VRK3: variants seen among roughly 807,000 people sequenced by gnomAD.
VRK3 encodes serine/threonine-protein kinase VRK3.
In VRK3, 50 loss-of-function variants were observed where a neutral mutation model predicts 60.4. That is an observed-to-expected ratio of 0.83 (90% CI 0.66 to 1.05). The LOEUF is 1.05. VRK3 is among the 50% of genes least tolerant of loss of function. The pLI is 0.00. For missense variants in VRK3, 549 were observed against 585.3 expected (o/e 0.94, Z 0.64); for synonymous variants, 246 against 227.8 (o/e 1.08, Z -0.72).
At chr19:50,023,194 C>CT (rs993350331) in intron 1 of VRK3, among the ~76,000 whole-genome samples, 23 of 152,078 alleles carry the variant, frequency 1.5e-4, no homozygotes, top group African/African-American at 5.3e-4. Context: ...TTTTTCTTTT[C>CT]TTTTTTTTGA....
chr19:50,008,404 C>T (rs570736561), intron 4 of VRK3, among the ~76,000 whole-genome samples: 7 of 152,280 alleles, frequency 4.6e-5, no homozygotes, highest in South Asian at 4.1e-4. Flanking sequence ...TACTCTGTTC[C>T]TCCCACCCAC....
At chr19:50,014,026 G>C (rs531568444) in intron 3 of VRK3, among the ~76,000 whole-genome samples, 23 of 152,278 alleles carry the variant, frequency 1.5e-4, no homozygotes, top group African/African-American at 5.3e-4. Flanking sequence ...CAACACTTTG[G>C]GGGGCTGAGG....
At chr19:49,977,594 A>ACCCTGCCCTGGAGGAGCTGGC (rs1322070290) in intron 14 of VRK3, among the ~76,000 whole-genome samples, 3 of 151,880 alleles carry the variant, frequency 2.0e-5, no homozygotes, top group Non-Finnish European at 2.9e-5. Context: ...GTCAGACGCG[A>ACCCTGCCCTGGAGGAGCTGGC]CCCTGCCCTG....
chr19:49,979,376 C>A, intron 13 of VRK3, 134 bp from the exon 14 acceptor site: 2 of 1,280,156 alleles, frequency 1.6e-6, no homozygotes, highest in East Asian at 2.4e-5. Flanking sequence ...TGCCCATTTT[C>A]TTGTTGCCTG....
chr19:50,015,180 T>C (rs764528253), intron 3 of VRK3, among the ~76,000 whole-genome samples: 1 of 152,030 alleles, frequency 6.6e-6, no homozygotes, highest in Non-Finnish European at 1.5e-5. Flanking sequence ...CAGACTAAGA[T>C]GTGACCAGGA....
intron 3 of VRK3, among the ~76,000 whole-genome samples, chr19:50,015,034 G>C (rs2077052764): frequency 6.6e-6 from 1 of 152,052 alleles, no homozygotes; most frequent in Non-Finnish European, 1.5e-5. Flanking sequence ...TGTGTCACGG[G>C]GTGCGAGACA....
At chr19:50,017,517 T>C (rs2077097650) in intron 2 of VRK3, among the ~76,000 whole-genome samples, 1 of 127,604 alleles carries the variant, frequency 7.8e-6, no homozygotes, top group African/African-American at 3.1e-5. Context: ...GAGGTTGTGG[T>C]GAGCCGAGAT....
intron 5 of VRK3, 121 bp downstream of exon 5, chr19:50,007,448 G>A: frequency 7.0e-7 from 1 of 1,438,034 alleles, no homozygotes; most frequent in Non-Finnish European, 9.5e-7. Flanking sequence ...AGAGAAAGTT[G>A]CCTAGCGACA....
At chr19:49,992,986 C>T in intron 9 of VRK3, 34 bp from the exon 10 acceptor site, 1 of 1,588,330 alleles carries the variant, frequency 6.3e-7, no homozygotes, top group South Asian at 1.1e-5. Context: ...TCTGCATGAG[C>T]AGTACGACTA....
At chr19:50,009,421 C>T in intron 3 of VRK3, 36 bp from the exon 4 acceptor site, 2 of 1,609,500 alleles carry the variant, frequency 1.2e-6, no homozygotes, top group Non-Finnish European at 1.7e-6. Flanking sequence ...ACTGGAGTTA[C>T]AAAGGCCCCT....
Position 50,001,727 on chromosome 19 carries a change from TGAGAA to T in VRK3, c.548-878_548-874del, listed in dbSNP as rs1402904903. Among the ~76,000 whole-genome samples the T allele has an allele frequency of 2.0e-5, 3 of 151,926 alleles. No homozygotes were observed. In the East Asian group the frequency reaches 5.8e-4, roughly 30 times the overall value. ...CACATGCATGGTCCCATCTGACAGA[TGAGAA>T]GAGGAGAGAGGCCAAGAAACGCCAG... is the stretch of plus-strand genomic sequence containing the variant. On this transcript the variant is annotated intron_variant, in intron 5 of 14. Coordinates refer to ENST00000316763, the MANE Select transcript of VRK3 (RefSeq NM_016440.4).
At chr19:50,016,495 T>A (rs1193315214) in intron 2 of VRK3, among the ~76,000 whole-genome samples, 1 of 152,156 alleles carries the variant, frequency 6.6e-6, no homozygotes, top group African/African-American at 2.4e-5. Context: ...CCCCTCCACC[T>A]GCAGGGATGG....
chr19:49,997,841 T>A (rs1014571211), intron 6 of VRK3: 1 of 353,576 alleles, frequency 2.8e-6, no homozygotes, highest in African/African-American at 2.1e-5. Context: ...TTTCCCAGCT[T>A]CCTTTGCAGT....
intron 13 of VRK3, among the ~76,000 whole-genome samples, chr19:49,979,765 C>T (rs371778393): frequency 1.2e-4 from 18 of 152,070 alleles, no homozygotes; most frequent in South Asian, 4.1e-4. Flanking sequence ...GTAATTCAGC[C>T]GGGCGCGGTG....
chr19:50,016,605 G>C (rs753509467), intron 2 of VRK3, among the ~76,000 whole-genome samples: 5 of 152,132 alleles, frequency 3.3e-5, no homozygotes, highest in Non-Finnish European at 5.9e-5. Flanking sequence ...CTGCTGTATT[G>C]AGCCACCAAG....
chr19:50,019,849 T>G (rs1207504713), intron 2 of VRK3, among the ~76,000 whole-genome samples: 1 of 151,714 alleles, frequency 6.6e-6, no homozygotes, highest in Non-Finnish European at 1.5e-5. Flanking sequence ...AGACTTCTTA[T>G]GTGAACAAAG....
At chr19:50,019,544 C>G (rs140121284) in intron 2 of VRK3, among the ~76,000 whole-genome samples, 1 of 152,134 alleles carries the variant, frequency 6.6e-6, no homozygotes, top group East Asian at 1.9e-4. Flanking sequence ...GGGTCCCACC[C>G]TGTCACTCAG....
At chr19:49,983,466 A>C (rs573299803) in intron 12 of VRK3, among the ~76,000 whole-genome samples, 5 of 152,276 alleles carry the variant, frequency 3.3e-5, no homozygotes, top group Admixed American at 3.3e-4. Flanking sequence ...CCATTGACAT[A>C]CATGCGCAGG....
chr19:49,982,232 C>T (rs371428420), intron 12 of VRK3: 10 of 702,630 alleles, frequency 1.4e-5, no homozygotes, highest in Non-Finnish European at 2.1e-5. Context: ...CCAACAGCAC[C>T]GTAGCTCATG....
Sources: gnomAD v4.1 joint callset for allele counts (sites outside exome capture counted in the v4.1 genomes callset) on GRCh38, gnomAD v4.1.1 for gene constraint, MANE v1.5 for transcripts, NCBI Gene and HGNC (gene_info 2026-07-23, HGNC 2026-07-21) for gene names.